Variants in ZNF385D observed in about 807,000 individuals in gnomAD.
ZNF385D encodes the protein zinc finger protein 385D.
In ZNF385D, 15 loss-of-function variants were observed where a neutral mutation model predicts 35.8. The observed-to-expected ratio is 0.42, with a 90% confidence interval of 0.28 to 0.64. ZNF385D has a LOEUF of 0.64. ZNF385D is among the 30% of genes least tolerant of loss of function. The pLI is 0.23. For missense variants in ZNF385D, 474 were observed against 494.6 expected, an observed-to-expected ratio of 0.96 and a Z score of 0.39; for synonymous variants, 212 against 186.8, an observed-to-expected ratio of 1.13 and a Z score of -1.10.
chr3:21,479,038 G>A (rs1365779224), intron 4 of ZNF385D, among the ~76,000 whole-genome samples: 1 of 115,988 alleles, frequency 8.6e-6, no homozygotes, highest in Non-Finnish European at 1.8e-5. Context: ...TATATTTCTT[G>A]TAAATATTGG....
In ZNF385D at chr3:21,822,968, A is replaced by G. The variant is rs552008950; in HGVS notation, c.326-157940T>C. Among the ~76,000 whole-genome samples, 583 of 152,310 alleles carry G rather than the reference A, an allele frequency of 3.8e-3. 6 individuals carry two copies. The highest frequency in any genetic ancestry group is 0.013 in the African/African-American group (545 of 41,562). ...AAATGAATTACTCAAAATTCAGAAG[A>G]GTAAGTTACCTGATGGGGGGACAAG... is the stretch of plus-strand genomic sequence containing the variant. On this transcript the variant is annotated intron_variant, in intron 3 of 5. Transcript: ENST00000494108.
intron 3 of ZNF385D, among the ~76,000 whole-genome samples, chr3:21,830,060 G>A (rs1396292068): frequency 1.3e-5 from 2 of 152,008 alleles, no homozygotes; most frequent in Admixed American, 6.5e-5. Context: ...GGAGGCAGAG[G>A]TTGCAGTGGC....
intron 3 of ZNF385D, 51 bp from the exon 4 acceptor site, chr3:21,511,074 G>A (rs1458403593): frequency 6.2e-7 from 1 of 1,606,906 alleles, no homozygotes; most frequent in Non-Finnish European, 8.5e-7. Context: ...TTCTAAACTG[G>A]CATTCTCTGT....
At chr3:22,209,373 A>G (rs970685094) in intron 2 of ZNF385D, among the ~76,000 whole-genome samples, 2 of 151,934 alleles carry the variant, frequency 1.3e-5, no homozygotes, top group African/African-American at 4.8e-5. Flanking sequence ...ATAGGAGTTG[A>G]TTCAACTGTA....
intron 3 of ZNF385D, among the ~76,000 whole-genome samples, chr3:22,083,020 G>T (rs1381509394): frequency 6.6e-6 from 1 of 152,150 alleles, no homozygotes; most frequent in South Asian, 2.1e-4. Flanking sequence ...CAAACAGAAA[G>T]GAATAGCATC....
chr3:21,785,359 A>T (rs2071647784), intron 3 of ZNF385D, among the ~76,000 whole-genome samples: 1 of 152,144 alleles, frequency 6.6e-6, no homozygotes. Context: ...ATCATTTCCT[A>T]CAGTTACCAT....
chr3:22,353,768 C>T (rs1399536248), intron 2 of ZNF385D, among the ~76,000 whole-genome samples: 2 of 152,114 alleles, frequency 1.3e-5, no homozygotes, highest in East Asian at 3.9e-4. Flanking sequence ...CATCCTACCT[C>T]AGCCACACTC....
chr3:22,349,980 T>G (rs1259747931), intron 2 of ZNF385D, among the ~76,000 whole-genome samples: 1 of 152,168 alleles, frequency 6.6e-6, no homozygotes, highest in Non-Finnish European at 1.5e-5. Flanking sequence ...AAATGTGAAA[T>G]AAACCTTGGC....
At chr3:21,887,330 A>C (rs1437036676) in intron 3 of ZNF385D, among the ~76,000 whole-genome samples, 2 of 152,190 alleles carry the variant, frequency 1.3e-5, no homozygotes, top group Non-Finnish European at 2.9e-5. Flanking sequence ...ATACAAGGAA[A>C]CTTAACTATG....
intron 1 of ZNF385D, among the ~76,000 whole-genome samples, chr3:21,743,060 C>T (rs61380930): frequency 0.081 from 12,360 of 152,170 alleles, 825 homozygotes; most frequent in East Asian, 0.25. Flanking sequence ...TTATTATTCT[C>T]CTTTTACAAA....
intron 1 of ZNF385D, among the ~76,000 whole-genome samples, chr3:21,749,659 C>G (rs755378074): frequency 6.6e-6 from 1 of 151,878 alleles, no homozygotes; most frequent in Non-Finnish European, 1.5e-5. Flanking sequence ...ATTGTTTCTT[C>G]CAAATCATTT....
chr3:22,214,647 A>T (rs1278883364), intron 2 of ZNF385D, among the ~76,000 whole-genome samples: 1 of 151,992 alleles, frequency 6.6e-6, no homozygotes, highest in African/African-American at 2.4e-5. Flanking sequence ...GTCAAGCTGT[A>T]TGGATGAAAT....
chr3:22,357,955 T>C (rs1046140749), intron 2 of ZNF385D, among the ~76,000 whole-genome samples: 6 of 151,874 alleles, frequency 4.0e-5, no homozygotes, highest in Admixed American at 6.6e-5. Context: ...AAGCATTCGA[T>C]ATGCTATATT....
chr3:22,026,058 G>A (rs772938704), intron 3 of ZNF385D, among the ~76,000 whole-genome samples: 18 of 152,068 alleles, frequency 1.2e-4, no homozygotes, highest in Admixed American at 5.2e-4. Context: ...GTAGAGCTCT[G>A]GCATTGTCTA....
intron 2 of ZNF385D, among the ~76,000 whole-genome samples, chr3:21,584,188 A>G (rs986367862): frequency 7.0e-6 from 1 of 143,384 alleles, no homozygotes; most frequent in African/African-American, 2.4e-5. Flanking sequence ...CAGTTTGGCC[A>G]GGCTGGTCTC....
intron 3 of ZNF385D, among the ~76,000 whole-genome samples, chr3:21,812,077 G>C (rs2072945093): frequency 6.6e-6 from 1 of 152,114 alleles, no homozygotes; most frequent in Admixed American, 6.5e-5. Context: ...AGGAATTTAA[G>C]AGGAAGTTAA....
chr3:21,512,781 T>C (rs968378977), intron 3 of ZNF385D, among the ~76,000 whole-genome samples: 9 of 151,960 alleles, frequency 5.9e-5, no homozygotes, highest in African/African-American at 2.2e-4. Flanking sequence ...AAATTTTGTC[T>C]TTTTTTTCCC....
At chr3:21,687,042 G>C (rs2067127758) in intron 1 of ZNF385D, among the ~76,000 whole-genome samples, 1 of 152,168 alleles carries the variant, frequency 6.6e-6, no homozygotes, top group East Asian at 1.9e-4. Flanking sequence ...GGCCTCAAGA[G>C]ACCCTGCAGC....
chr3:21,548,236 T>C (rs1357470692), intron 3 of ZNF385D, among the ~76,000 whole-genome samples: 1 of 152,200 alleles, frequency 6.6e-6, no homozygotes, highest in African/African-American at 2.4e-5. Flanking sequence ...TAGGGAAATA[T>C]GCTGCAACAC....
Sources: allele counts gnomAD v4.1 joint callset (sites outside exome capture counted in the v4.1 genomes callset), GRCh38; gene constraint gnomAD v4.1.1; transcripts MANE v1.5; gene names NCBI Gene and HGNC (gene_info 2026-07-23, HGNC 2026-07-21).